The following NDUFA10 variants were observed in gnomAD, a reference collection of about 807,000 sequenced individuals.
NDUFA10 encodes the protein NADH dehydrogenase [ubiquinone] 1 alpha subcomplex subunit 10, mitochondrial.
Under a neutral mutation model 47.8 loss-of-function variants are expected in NDUFA10, and 40 were observed. The ratio of observed to expected loss-of-function variants is 0.84; its 90% CI spans 0.65 to 1.09. The LOEUF (loss-of-function observed/expected upper bound fraction) is 1.09. NDUFA10 is among the 50% of genes least tolerant of loss of function. The pLI is 0.00. For missense variants in NDUFA10, 413 were observed against 451.1 expected (o/e 0.92, Z 0.76); for synonymous variants, 183 against 172.2 (o/e 1.06, Z -0.49).
intron 4 of NDUFA10, among the ~76,000 whole-genome samples, chr2:239,948,877 A>C (rs943360052): frequency 4.6e-5 from 7 of 152,224 alleles, no homozygotes; most frequent in African/African-American, 1.7e-4. Context: ...TTTGCAGGGA[A>C]CAGTTCACAC....
downstream of NDUFA10, among the ~76,000 whole-genome samples, chr2:239,954,920 G>A (rs550793979): frequency 1.2e-4 from 19 of 152,284 alleles, no homozygotes; most frequent in South Asian, 3.9e-3. Context: ...GCTGCCCTGC[G>A]ACATTCCCTC....
intron 9 of NDUFA10, among the ~76,000 whole-genome samples, chr2:239,966,655 CATG>C (rs1695073414): frequency 6.6e-6 from 1 of 152,200 alleles, no homozygotes; most frequent in African/African-American, 2.4e-5. Context: ...TGTAAACTAA[CATG>C]ATGATTTTCC....
intron 9 of NDUFA10, among the ~76,000 whole-genome samples, chr2:239,967,172 G>T (rs1287635275): frequency 1.3e-5 from 2 of 152,202 alleles, no homozygotes; most frequent in Non-Finnish European, 2.9e-5. Context: ...CCATCGGAAT[G>T]GGTTGAATTT....
rs1214265781 is a variant in NDUFA10, at chr2:240,016,836, T to A, written c.547+1717A>T. On this transcript the variant is annotated intron_variant, in intron 4 of 9. Coordinates refer to ENST00000252711, the MANE Select transcript of NDUFA10 (RefSeq NM_004544.4). The surrounding 1 kb of genome is among the most constrained non-coding windows in gnomAD (Gnocchi z 4.4). ...GACACTCAGCAGATGCCGACAGGTA[T>A]CTCCTGCCACCTTGCCATGGGAACC... Among the ~76,000 whole-genome samples, 1 of 152,096 alleles carries A rather than the reference T, an allele frequency of 6.6e-6. No individual in the cohort carries two copies. The highest frequency in any genetic ancestry group is 1.5e-5 in the Non-Finnish European group (1 of 68,000).
chr2:239,970,623 G>C (rs1695270356), intron 9 of NDUFA10, among the ~76,000 whole-genome samples: 1 of 152,244 alleles, frequency 6.6e-6, no homozygotes, highest in African/African-American at 2.4e-5. Flanking sequence ...AAAGAACACA[G>C]AGGGCAGGAA....
intron 3 of NDUFA10, among the ~76,000 whole-genome samples, chr2:240,019,232 C>T (rs1697504766): frequency 6.6e-6 from 1 of 152,214 alleles, no homozygotes; most frequent in South Asian, 2.1e-4. Flanking sequence ...CCTGTTTCCA[C>T]ATCGAGTCTT....
At chr2:239,944,337 CG>C (rs1178561636) in intron 4 of NDUFA10, among the ~76,000 whole-genome samples, 1 of 152,220 alleles carries the variant, frequency 6.6e-6, no homozygotes, top group Non-Finnish European at 1.5e-5. Context: ...TCCAGCCTGG[CG>C]TCCCCCATGC....
chr2:239,898,810 C>A (rs554758418), intron 4 of NDUFA10, among the ~76,000 whole-genome samples: 3 of 152,368 alleles, frequency 2.0e-5, no homozygotes, highest in East Asian at 3.9e-4. Flanking sequence ...AGAAGAATAA[C>A]TGTCATCATA....
At chr2:239,981,545 A>G (rs966984381) in intron 9 of NDUFA10, among the ~76,000 whole-genome samples, 5 of 152,212 alleles carry the variant, frequency 3.3e-5, no homozygotes, top group Admixed American at 2.6e-4. Context: ...CAAAAACACT[A>G]AAGTCAGAAA....
rs368123024 is a variant in NDUFA10 at position 239,986,127 on chromosome 2, C to T, written c.999+3947G>A. Among the ~76,000 whole-genome samples, 17 of 152,096 alleles carry T rather than the reference C, an allele frequency of 1.1e-4. 1 individual carries two copies. Among genetic ancestry groups the T allele is most frequent in the African/African-American group, 3.1e-4 (13 of 41,450 alleles). ...TGCCAGAGAAATAAGAAATATCTTC[C>T]GAAGAGGAACTACCATTAGAAACAC... is the stretch of plus-strand genomic sequence containing the variant. On this transcript the variant is annotated intron_variant, in intron 9 of 9. Transcript: ENST00000252711.
intron 4 of NDUFA10, among the ~76,000 whole-genome samples, chr2:239,932,720 C>T (rs1574787632): frequency 6.6e-6 from 1 of 152,142 alleles, no homozygotes; most frequent in Non-Finnish European, 1.5e-5. Context: ...GCTGGGACTA[C>T]AGGCATCCGC....
intron 9 of NDUFA10, chr2:239,969,742 G>A: frequency 2.1e-6 from 1 of 471,340 alleles, no homozygotes; most frequent in South Asian, 1.5e-5. Flanking sequence ...CTAATCTCTT[G>A]GCTTCTGATT....
In NDUFA10 at chr2:239,959,099, T is replaced by C. The variant is rs1000916715; in HGVS notation, c.*2019A>G. 7 of 985,368 alleles carry C rather than the reference T, an allele frequency of 7.1e-6. No individual in the cohort carries two copies. The highest frequency in any genetic ancestry group is 4.7e-5 in the South Asian group (1 of 21,292). The allele number at this position is 985,368 out of a possible 1,614,324, so 61.0% of individuals were successfully genotyped here. A position where few individuals can be genotyped will look rare whatever the true frequency, so the allele number is the denominator to read the frequency against. ...CTTTCTCTGCTGAACATGCATGTCA[T>C]TGAAAACACCAGAAAATCAAACAGA... On this transcript the variant is annotated 3_prime_UTR_variant, in exon 10 of 10. Coordinates refer to ENST00000252711, the MANE Select transcript of NDUFA10 (RefSeq NM_004544.4).
chr2:239,920,788 C>A (rs997472281), intron 4 of NDUFA10, among the ~76,000 whole-genome samples: 2 of 152,168 alleles, frequency 1.3e-5, no homozygotes, highest in African/African-American at 2.4e-5. Context: ...CCCAGCCACA[C>A]CTGCTATTGA....
intron 9 of NDUFA10, among the ~76,000 whole-genome samples, chr2:239,988,789 G>A (rs1456820921): frequency 2.6e-5 from 4 of 152,182 alleles, no homozygotes; most frequent in Non-Finnish European, 5.9e-5. Flanking sequence ...AATCCGCAGA[G>A]CCCCACTCAA....
intron 4 of NDUFA10, among the ~76,000 whole-genome samples, chr2:239,913,436 G>T (rs1315570045): frequency 6.6e-6 from 1 of 152,248 alleles, no homozygotes; most frequent in Non-Finnish European, 1.5e-5. Flanking sequence ...TGGTCACGTG[G>T]TGAACCTTGG....
intron 9 of NDUFA10, among the ~76,000 whole-genome samples, chr2:239,980,401 A>T (rs1279306374): frequency 6.6e-6 from 1 of 152,196 alleles, no homozygotes; most frequent in Non-Finnish European, 1.5e-5. Flanking sequence ...CTCAGATTAA[A>T]TTAAAAGGCA....
intron 9 of NDUFA10, 36 bp downstream of exon 9, chr2:239,990,038 T>C: frequency 6.9e-7 from 1 of 1,453,348 alleles, no homozygotes; most frequent in Non-Finnish European, 9.7e-7. Flanking sequence ...TGCAGACTCA[T>C]CCACTGGCCA....
chr2:239,931,425 A>G (rs534519001), intron 4 of NDUFA10, among the ~76,000 whole-genome samples: 27 of 152,362 alleles, frequency 1.8e-4, no homozygotes, highest in South Asian at 1.0e-3. Context: ...CTTAACTAAC[A>G]TATCTGCAAA....
Sources: allele counts gnomAD v4.1 joint callset (sites outside exome capture counted in the v4.1 genomes callset), GRCh38; gene constraint gnomAD v4.1.1; non-coding constraint Gnocchi (gnomAD v3.1); transcripts MANE v1.5; gene names NCBI Gene and HGNC (gene_info 2026-07-23, HGNC 2026-07-21).